Variants in ZNF516 observed in about 807,000 individuals in gnomAD.
The protein encoded by ZNF516 is zinc finger protein 516.
A neutral mutation model predicts 79.7 loss-of-function variants in ZNF516; 19 were observed. That is an observed-to-expected ratio of 0.24 (90% confidence interval 0.17 to 0.35). The LOEUF (loss-of-function observed/expected upper bound fraction) is 0.35. Ranked by LOEUF, ZNF516 falls within the 10% of genes least tolerant of loss-of-function variation. The pLI, the probability that ZNF516 is intolerant of heterozygous loss-of-function variation, is 1.00. For missense variants in ZNF516, 1,678 were observed against 1,679.5 expected (o/e 1.00, Z 0.02); for synonymous variants, 877 against 739.5 (o/e 1.19, Z -3.02).
At chr18:76,491,123 A>G (rs1049483324) in intron 1 of ZNF516, 1 of 981,130 alleles carries the variant, frequency 1.0e-6, no homozygotes, top group Non-Finnish European at 1.2e-6. Context: ...CACCTCCGCC[A>G]GAACAAAGTG....
At chr18:76,408,838 C>G (rs1316433657) in intron 3 of ZNF516, among the ~76,000 whole-genome samples, 1 of 152,260 alleles carries the variant, frequency 6.6e-6, no homozygotes, top group Non-Finnish European at 1.5e-5. Context: ...GCACCCACTT[C>G]TAGTCCTGTC....
intron 3 of ZNF516, among the ~76,000 whole-genome samples, chr18:76,422,079 G>A (rs1368474387): frequency 6.6e-6 from 1 of 152,228 alleles, no homozygotes; most frequent in Non-Finnish European, 1.5e-5. Context: ...GTAAATCCCA[G>A]AAAAATTCAG....
At chr18:76,388,864 C>T (rs1446784347) in intron 3 of ZNF516, 1 of 152,162 alleles carries the variant, frequency 6.6e-6, no homozygotes, top group Non-Finnish European at 1.5e-5. Flanking sequence ...AGGCCCACGA[C>T]GGGGCTGGCC....
At chr18:76,427,355 C>T (rs2075609358) in intron 3 of ZNF516, among the ~76,000 whole-genome samples, 1 of 152,166 alleles carries the variant, frequency 6.6e-6, no homozygotes, top group Non-Finnish European at 1.5e-5. Context: ...AAGATTGAGT[C>T]TATGACAAAG....
At chr18:76,436,687 C>T (rs911371889) in intron 3 of ZNF516, among the ~76,000 whole-genome samples, 2 of 152,166 alleles carry the variant, frequency 1.3e-5, no homozygotes, top group Non-Finnish European at 2.9e-5. Flanking sequence ...CTTGGCCGCA[C>T]AGGCAGACAC....
chr18:76,369,420 C>A (rs1253305548), intron 6 of ZNF516, among the ~76,000 whole-genome samples: 6 of 147,040 alleles, frequency 4.1e-5, no homozygotes, highest in Non-Finnish European at 1.5e-5. Flanking sequence ...GCAAAAAAAA[C>A]AAAAACAAAA....
chr18:76,473,715 G>A (rs540333685), intron 1 of ZNF516, among the ~76,000 whole-genome samples: 50 of 151,906 alleles, frequency 3.3e-4, no homozygotes, highest in African/African-American at 9.9e-4. Context: ...GCAAGAGGAC[G>A]GCGTGAACCC....
chr18:76,410,224 T>C (rs552752592), intron 3 of ZNF516, among the ~76,000 whole-genome samples: 72 of 152,282 alleles, frequency 4.7e-4, no homozygotes, highest in Non-Finnish European at 9.1e-4. Flanking sequence ...CAGGGAAGTA[T>C]GAGGGCTCGC....
rs753635896 is a variant in ZNF516 at position 76,442,191 on chromosome 18, G to C, written c.864C>G (p.Pro288=). The change falls in exon 3 of 7, where the codon CCC becomes CCG. Residue 288 remains proline (P), a synonymous_variant. Transcript: ENST00000443185. The stretch of plus-strand genomic sequence containing the variant: ...CCTTCATGTGGTTCTTGAGGAACCA[G>C]GGCTCCTTGAACCTACGGCCGCAGA... The part of the protein sequence containing the change: ...CHICGRRFKE[P]WFLKNHMKAH... The C allele has an allele frequency of 1.2e-6, 2 of 1,613,926 alleles. No homozygotes were observed. Among genetic ancestry groups the C allele is most frequent in the South Asian group, 1.1e-5 (1 of 91,088 alleles).
At chr18:76,476,746 T>A (rs530308999) in intron 1 of ZNF516, among the ~76,000 whole-genome samples, 17 of 152,236 alleles carry the variant, frequency 1.1e-4, no homozygotes, top group Non-Finnish European at 2.1e-4. Flanking sequence ...AACACCTTCA[T>A]TTATTGTAAT....
chr18:76,386,732 T>C (rs1318321586), intron 3 of ZNF516: 1 of 152,210 alleles, frequency 6.6e-6, no homozygotes, highest in Non-Finnish European at 1.5e-5. Context: ...TTCAACCTTA[T>C]CACAATGATT....
At chr18:76,385,101 G>C (rs888246133) in intron 3 of ZNF516, among the ~76,000 whole-genome samples, 1 of 152,216 alleles carries the variant, frequency 6.6e-6, no homozygotes, top group East Asian at 1.9e-4. Flanking sequence ...GGCGCACGTC[G>C]CTCCCAACCC....
intron 1 of ZNF516, chr18:76,491,006 G>A (rs986926657): frequency 1.0e-6 from 1 of 985,116 alleles, no homozygotes; most frequent in Non-Finnish European, 1.2e-6. Flanking sequence ...CCCCAAGCCC[G>A]GGTGCCCACC....
intron 5 of ZNF516, among the ~76,000 whole-genome samples, 176 bp from the exon 6 acceptor site, chr18:76,370,771 C>T (rs922647503): frequency 3.9e-5 from 6 of 152,244 alleles, no homozygotes; most frequent in Admixed American, 3.3e-4. Flanking sequence ...TAATGGCTGC[C>T]TGGGGCCACT....
chr18:76,449,270 G>C (rs2145599400), intron 2 of ZNF516, among the ~76,000 whole-genome samples: 1 of 152,268 alleles, frequency 6.6e-6, no homozygotes, highest in African/African-American at 2.4e-5. Context: ...GAACCCCATA[G>C]CTGCCCTGGA....
Position 76,441,604 on chromosome 18 carries a change from G to C in ZNF516, c.1451C>G (p.Pro484Arg). 1 of 1,478,506 alleles carries C rather than the reference G, an allele frequency of 6.8e-7. No individual in the cohort carries two copies. Among genetic ancestry groups the C allele is most frequent in the Non-Finnish European group, 9.0e-7 (1 of 1,117,016 alleles). 91.6% of individuals were successfully genotyped at this position (1,478,506 alleles called of 1,614,324 possible). A position where few individuals can be genotyped will look rare whatever the true frequency, so the allele number is the denominator to read the frequency against. Residue 484 changes from proline to arginine, a missense_variant, in exon 3 of 7, where the codon CCT becomes CGT. Pro to Arg is a moderately radical substitution (Grantham distance 103, BLOSUM62 -2). This residue lies in a region of ZNF516 where 1,294 missense variants were observed against 1,248.3 expected (regional missense o/e 1.04). Coordinates refer to ENST00000443185, the MANE Select transcript of ZNF516 (RefSeq NM_014643.4). ...QGPPRKRASG[P>R]GDPAPAGHLD... ...GTGGCCGGCGGGCGCGGGGTCCCCA[G>C]GCCCGCTCGCGCGCTTCCGCGGGGG...
intron 3 of ZNF516, among the ~76,000 whole-genome samples, chr18:76,411,756 A>C (rs2075374378): frequency 6.6e-6 from 1 of 152,090 alleles, no homozygotes. Context: ...TTTTTCATCC[A>C]CAAAATGAGG....
At position 76,480,524 on chromosome 18, in the gene ZNF516, C is replaced by CATATAT. The variant is rs1555720224; in HGVS notation, c.-272+14614_-272+14619dup. ...ACACACACACACACACACACACACA[C>CATATAT]ATATATTTTTTTTTTTGAGACGGAG... is the stretch of plus-strand genomic sequence containing the variant. On this transcript the variant is annotated intron_variant, in intron 1 of 6. Coordinates refer to ENST00000443185, the MANE Select transcript of ZNF516 (RefSeq NM_014643.4). Among the ~76,000 whole-genome samples, 259 of 116,456 alleles carry CATATAT rather than the reference C, an allele frequency of 2.2e-3. 4 individuals carry two copies. Among genetic ancestry groups the CATATAT allele is most frequent in the African/African-American group, 8.9e-3 (253 of 28,546 alleles). The allele number at this position is 116,456 out of a possible 152,430, so 76.4% of individuals were successfully genotyped here.
intron 1 of ZNF516, among the ~76,000 whole-genome samples, chr18:76,465,232 C>G (rs1568316012): frequency 1.3e-5 from 2 of 152,200 alleles, no homozygotes; most frequent in African/African-American, 4.8e-5. Context: ...GGGGTTGAGA[C>G]CAAGGTTTCG....
Sources: gnomAD v4.1 joint callset for allele counts (sites outside exome capture counted in the v4.1 genomes callset) on GRCh38, gnomAD v4.1.1 for gene constraint, gnomAD v4.1.1 regional missense constraint, MANE v1.5 for transcripts, NCBI Gene and HGNC (gene_info 2026-07-23, HGNC 2026-07-21) for gene names.